The following MYH14 variants were observed in gnomAD, a reference collection of about 807,000 sequenced individuals.
MYH14 encodes myosin-14.
Under a neutral mutation model 255.5 loss-of-function variants are expected in MYH14, and 123 were observed. The ratio of observed to expected loss-of-function variants is 0.48; its 90% CI spans 0.42 to 0.56. The LOEUF (loss-of-function observed/expected upper bound fraction) is 0.56, where lower values mean the gene tolerates loss of function less well. Among genes scored for constraint, MYH14 ranks in the 20% least tolerant of loss-of-function variants. The probability of loss-of-function intolerance (pLI) is 0.00; values close to 1 mark genes in which losing one functional copy is unlikely to be tolerated. For synonymous variants in MYH14, 1,095 were observed against 1,161.2 expected, an observed-to-expected ratio of 0.94 and a Z score of 1.16; for missense variants, 2,423 against 2,802.3, an observed-to-expected ratio of 0.86 and a Z score of 3.06.
intron 3 of MYH14, among the ~76,000 whole-genome samples, chr19:50,222,505 C>G (rs959393418): frequency 6.9e-6 from 1 of 145,060 alleles, no homozygotes; most frequent in Non-Finnish European, 1.5e-5. Context: ...AAAAAAGAAC[C>G]ACTGCTTTAT....
At chr19:50,286,200 T>C (rs2035882821) in intron 33 of MYH14, 1 of 292,584 alleles carries the variant, frequency 3.4e-6, no homozygotes, top group Non-Finnish European at 6.4e-6. Context: ...TTTAAAAATA[T>C]ATATATGTGT....
At chr19:50,251,948 C>T (rs73061162) in intron 15 of MYH14, among the ~76,000 whole-genome samples, 3,095 of 151,198 alleles carry the variant, frequency 0.02, 38 homozygotes, top group Middle Eastern at 0.037. Context: ...AGTTTGCTGA[C>T]CCCTGGTTTT....
chr19:50,295,345 A>G (rs1389599783), intron 39 of MYH14, among the ~76,000 whole-genome samples: 3 of 151,518 alleles, frequency 2.0e-5, no homozygotes, highest in Non-Finnish European at 4.4e-5. Context: ...ACAAAAAAAC[A>G]AAACAAAAAA....
At chr19:50,234,388 C>A (rs577488337) in intron 10 of MYH14, among the ~76,000 whole-genome samples, 6 of 152,274 alleles carry the variant, frequency 3.9e-5, no homozygotes, top group African/African-American at 1.4e-4. Flanking sequence ...TGGGCTGAGC[C>A]AGGGCCGCCT....
At chr19:50,235,122 A>G (rs1460130906) in intron 10 of MYH14, among the ~76,000 whole-genome samples, 1 of 152,128 alleles carries the variant, frequency 6.6e-6, no homozygotes, top group East Asian at 1.9e-4. Flanking sequence ...CTGTAATCCC[A>G]ACAGTTTGGG....
chr19:50,291,057 C>A lies in MYH14; in HGVS notation c.5127+9C>A. On this transcript the variant is annotated intron_variant, in intron 36 of 42. Coordinates refer to ENST00000642316, the MANE Select transcript of MYH14 (RefSeq NM_001145809.2). ...AGCTTCGCAAGATGCAGGTAAGAGC[C>A]GGCGTGAGCTGCAGGGAGGGGAGGC... 6.2e-7 allele frequency: 1 copy of A among 1,611,806 alleles called. No individual in the cohort carries two copies. Among genetic ancestry groups the A allele is most frequent in the Non-Finnish European group, 8.5e-7 (1 of 1,179,042 alleles).
At position 50,217,598 on chromosome 19, in the gene MYH14, C is replaced by T. The variant is rs747404002; in HGVS notation, c.406-17C>T. On this transcript the variant is annotated splice_polypyrimidine_tract_variant and intron_variant, in intron 2 of 42. Transcript: ENST00000642316. ...TGGGCAGCCATCTGAGACCCTCTCC[C>T]CTCTCACCCACTGCAGACGTACTCC... 6.2e-7 allele frequency: 1 copy of T among 1,614,034 alleles called. No homozygotes were observed. The highest frequency in any genetic ancestry group is 8.5e-7 in the Non-Finnish European group (1 of 1,179,892).
At position 50,250,736 on chromosome 19, in the gene MYH14, G is replaced by T; in HGVS notation, c.1830+48G>T. 2 of 1,565,242 alleles carry T rather than the reference G, an allele frequency of 1.3e-6. No homozygotes were observed. The highest frequency in any genetic ancestry group is 1.7e-4 in the Middle Eastern group (1 of 5,720). On this transcript the variant is annotated intron_variant, in intron 15 of 42. Coordinates refer to ENST00000642316, the MANE Select transcript of MYH14 (RefSeq NM_001145809.2). This position sits in a 1 kb window ranked among gnomAD's most constrained non-coding sequence, Gnocchi z 5.4. Reference sequence around the variant, plus strand: ...GGGCATGTGGGAGTGGGGATCAAGGGATCTCCACTGGCTACAGATGGGGGG... The same window carrying T: ...GGGCATGTGGGAGTGGGGATCAAGGTATCTCCACTGGCTACAGATGGGGGG...
chr19:50,246,100 C>CT (rs1463298977), intron 11 of MYH14, among the ~76,000 whole-genome samples: 1 of 88,896 alleles, frequency 1.1e-5, no homozygotes, highest in Non-Finnish European at 2.5e-5. Flanking sequence ...CCCTCCCTCC[C>CT]TCCCTTCCTT....
Position 50,276,904 on chromosome 19 carries a change from G to A in MYH14, c.3825+3G>A. The A allele has an allele frequency of 6.2e-7, 1 of 1,606,378 alleles. No individual in the cohort carries two copies. The stretch of plus-strand genomic sequence containing the variant: ...AGCAGCTGGAGCAGGCCCGGAGGGT[G>A]GGTTGGGGCAGGGGGACAGGGCAGG... On this transcript the variant is annotated splice_donor_region_variant and intron_variant, in intron 29 of 42. Transcript: ENST00000642316. The surrounding 1 kb of genome is among the most constrained non-coding windows in gnomAD (Gnocchi z 4.3).
At chr19:50,222,479 C>CAAAAA (rs542179852) in intron 3 of MYH14, among the ~76,000 whole-genome samples, 6 of 69,836 alleles carry the variant, frequency 8.6e-5, no homozygotes, top group African/African-American at 1.8e-4. Context: ...GACTCCGTCT[C>CAAAAA]AAAAAAAAAA....
chr19:50,291,319 T>TTC (rs1027901512), intron 36 of MYH14, among the ~76,000 whole-genome samples: 27 of 151,980 alleles, frequency 1.8e-4, no homozygotes, highest in African/African-American at 5.8e-4. Flanking sequence ...TTTTTTTTTT[T>TTC]TTGAGACAGT....
chr19:50,229,943 C>T (rs2033291817), intron 8 of MYH14, among the ~76,000 whole-genome samples: 1 of 152,180 alleles, frequency 6.6e-6, no homozygotes, highest in South Asian at 2.1e-4. Context: ...GTGACAGAGT[C>T]TCACTCTGTC....
chr19:50,308,938 CTGT>C, intron 41 of MYH14, 64 bp from the exon 42 acceptor site: 1 of 1,450,504 alleles, frequency 6.9e-7, no homozygotes, highest in Non-Finnish European at 9.3e-7. Context: ...CAGTAGTGGG[CTGT>C]TGGAGAGGGA....
At position 50,217,704 on chromosome 19, in the gene MYH14, G is replaced by A. The variant is rs376463347; in HGVS notation, c.495G>A (p.Lys165=). 111 of 1,613,890 alleles carry A rather than the reference G, an allele frequency of 6.9e-5. No individual in the cohort carries two copies. Among genetic ancestry groups the A allele is most frequent in the Non-Finnish European group, 8.9e-5 (105 of 1,179,906 alleles). The change falls in exon 3 of 43, where the codon AAG becomes AAA. Residue 165 remains lysine, a synonymous_variant. Transcript: ENST00000642316. The part of the protein sequence containing the change: ...TEAIVEMYRG[K]KRHEVPPHVY... ...CCATTGTGGAGATGTACCGGGGCAA[G>A]AAGCGCCACGAGGTGCCACCCCACG...
chr19:50,264,107 A>G (rs993994864), intron 22 of MYH14, among the ~76,000 whole-genome samples: 8 of 148,324 alleles, frequency 5.4e-5, no homozygotes, highest in East Asian at 2.0e-4. Context: ...AAAAAAGTAC[A>G]TAAGTGTCTC....
Position 50,292,406 on chromosome 19 carries a change from C to A in MYH14, c.5256+17C>A. On this transcript the variant is annotated intron_variant, in intron 37 of 42. Transcript: ENST00000642316. ...CTGCAGGAGGTGAGGCTGGGGTAGG[C>A]TGGGCCCTGGGACAGGAAGCTGGGA... 1 of 1,553,318 alleles carries A rather than the reference C, an allele frequency of 6.4e-7. No individual in the cohort carries two copies. The highest frequency in any genetic ancestry group is 8.7e-7 in the Non-Finnish European group (1 of 1,151,194).
rs754530741 is a variant in MYH14 at position 50,249,725 on chromosome 19, G to A, written c.1558G>A (p.Val520Met). The A allele has an allele frequency of 2.7e-5, 44 of 1,614,034 alleles. No homozygotes were observed. Among genetic ancestry groups the A allele is most frequent in the Non-Finnish European group, 3.5e-5 (41 of 1,180,042 alleles). Residue 520 changes from valine (V) to methionine (M), a missense_variant, in exon 14 of 43, where the codon GTG becomes ATG. Around this residue, in one of 3 missense-constraint regions of MYH14, gnomAD observed 672 missense variants for 881.8 expected, o/e 0.76. Coordinates refer to ENST00000642316, the MANE Select transcript of MYH14 (RefSeq NM_001145809.2). ...LQQLFNHTMFVLEQEEYQREG... is the reference protein window; with the variant it reads ...LQQLFNHTMFMLEQEEYQREG... ...GCAGCTCTTCAACCACACCATGTTC[G>A]TGCTGGAGCAGGAGGAGTACCAGCG...
At chr19:50,239,572 CAG>C (rs937233584) in intron 10 of MYH14, among the ~76,000 whole-genome samples, 4 of 151,604 alleles carry the variant, frequency 2.6e-5, no homozygotes. Flanking sequence ...TTTTTTGAGA[CAG>C]TGTCTCACTC....
Sources: gnomAD v4.1 joint callset for allele counts (sites outside exome capture counted in the v4.1 genomes callset) on GRCh38, gnomAD v4.1.1 for gene constraint, gnomAD v4.1.1 regional missense constraint, Gnocchi (gnomAD v3.1) non-coding constraint, MANE v1.5 for transcripts, NCBI Gene and HGNC (gene_info 2026-07-23, HGNC 2026-07-21) for gene names.